SMC6: variants seen among roughly 807,000 people sequenced by gnomAD.
The protein encoded by SMC6 is structural maintenance of chromosomes protein 6.
SMC6 carries 79 observed loss-of-function variants against 142.2 expected under a neutral mutation model. The observed-to-expected ratio is 0.56, with a 90% CI of 0.46 to 0.67. The LOEUF is 0.67. Ranked by LOEUF, SMC6 falls within the 30% of genes least tolerant of loss-of-function variation. The pLI is 0.00. For missense variants in SMC6, 1,072 were observed against 1,284.0 expected, an observed-to-expected ratio of 0.83 and a Z score of 2.52; for synonymous variants, 411 against 412.4, an observed-to-expected ratio of 1.00 and a Z score of 0.04.
intron 24 of SMC6, among the ~76,000 whole-genome samples, chr2:17,683,281 A>T (rs1299451829): frequency 2.0e-5 from 3 of 152,206 alleles, no homozygotes; most frequent in African/African-American, 7.2e-5. Context: ...GATTATGGTA[A>T]ATCAACTGAG....
chr2:17,729,331 A>C (rs930277788), intron 7 of SMC6, among the ~76,000 whole-genome samples: 1 of 152,220 alleles, frequency 6.6e-6, no homozygotes, highest in African/African-American at 2.4e-5. Context: ...GTTATGCATT[A>C]AGTAAACCAT....
intron 23 of SMC6, among the ~76,000 whole-genome samples, chr2:17,684,817 G>A (rs768381083): frequency 4.6e-5 from 7 of 151,958 alleles, no homozygotes; most frequent in Non-Finnish European, 1.0e-4. Flanking sequence ...CAGAGCAAGA[G>A]CCTGTCTTAA....
chr2:17,743,643 T>C (rs1670585664), intron 3 of SMC6, among the ~76,000 whole-genome samples: 1 of 152,132 alleles, frequency 6.6e-6, no homozygotes, highest in Admixed American at 6.5e-5. Context: ...GATATTATTG[T>C]ACATTCTACA....
intron 22 of SMC6, among the ~76,000 whole-genome samples, chr2:17,695,818 G>A (rs1483642987): frequency 6.6e-6 from 1 of 152,152 alleles, no homozygotes; most frequent in East Asian, 1.9e-4. Context: ...AGATATAAAT[G>A]CAAAATTGGA....
chr2:17,725,774 T>C (rs1341627137), intron 8 of SMC6, among the ~76,000 whole-genome samples: 1 of 152,162 alleles, frequency 6.6e-6, no homozygotes, highest in Non-Finnish European at 1.5e-5. Context: ...TCAAGTATTT[T>C]GTTAGTTTTT....
intron 16 of SMC6, among the ~76,000 whole-genome samples, chr2:17,712,850 G>A (rs1421366611): frequency 6.6e-6 from 1 of 152,206 alleles, no homozygotes; most frequent in African/African-American, 2.4e-5. Flanking sequence ...CAAGACTCTT[G>A]TCAATATCCT....
intron 15 of SMC6, 104 bp from the exon 16 acceptor site, chr2:17,715,169 AAAG>A: frequency 9.5e-7 from 1 of 1,057,486 alleles, no homozygotes; most frequent in Non-Finnish European, 1.4e-6. Flanking sequence ...ATTTTTATAT[AAAG>A]CAGTTTAAAT....
chr2:17,709,563 T>C (rs1007636562), intron 16 of SMC6, among the ~76,000 whole-genome samples: 4 of 152,202 alleles, frequency 2.6e-5, no homozygotes, highest in African/African-American at 9.6e-5. Context: ...TATCTTTGCA[T>C]ACATGTTTTA....
rs1300048762 is a variant in SMC6, at chr2:17,665,619, A to C, written c.3162-6T>G. 1 of 1,558,348 alleles carries C rather than the reference A, an allele frequency of 6.4e-7. No individual in the cohort carries two copies. On this transcript the variant is annotated splice_region_variant and splice_polypyrimidine_tract_variant and intron_variant, in intron 27 of 27. Transcript: ENST00000448223. ...GTTTACTGGATGGAAGTGAACTAGA[A>C]GAAGCAAAATCAATTACTCAAATTT...
Position 17,666,363 on chromosome 2 carries a change from G to T in SMC6, c.3161+57C>A, listed in dbSNP as rs1666496060. 4 of 1,245,500 alleles carry T rather than the reference G, an allele frequency of 3.2e-6. No individual in the cohort carries two copies. In the African/African-American group the frequency reaches 4.5e-5, roughly 14 times the overall value. 77.2% of individuals were successfully genotyped at this position (1,245,500 alleles called of 1,614,324 possible). On this transcript the variant is annotated intron_variant, in intron 27 of 27. Coordinates refer to ENST00000448223, the MANE Select transcript of SMC6 (RefSeq NM_001142286.2). ...TATTTTAAAAATTAAAATTGTAAAA[G>T]ATTTCTTTCCCCCTTTTATATACTT... is the stretch of plus-strand genomic sequence containing the variant.
At chr2:17,724,633 A>G (rs1669528109) in intron 9 of SMC6, among the ~76,000 whole-genome samples, 1 of 152,238 alleles carries the variant, frequency 6.6e-6, no homozygotes, top group Non-Finnish European at 1.5e-5. Flanking sequence ...ATCTGAAGAA[A>G]GTATAAGAAC....
chr2:17,708,527 T>C (rs2124967053), intron 17 of SMC6, 112 bp downstream of exon 17: 2 of 447,078 alleles, frequency 4.5e-6, no homozygotes, highest in Non-Finnish European at 7.4e-6. Flanking sequence ...AGTACAATAG[T>C]GAAACACATC....
Position 17,750,316 on chromosome 2 carries a change from A to C in SMC6, c.-6+2662T>G, listed in dbSNP as rs1670961729. ...GAGATTTAAAAGACTGAATTAGTAGAATTGGTGAGTACAAATGGGTGAGTA... is the reference window on the plus strand; with the variant it reads ...GAGATTTAAAAGACTGAATTAGTAGCATTGGTGAGTACAAATGGGTGAGTA... On this transcript the variant is annotated intron_variant, in intron 2 of 27. Coordinates refer to ENST00000448223, the MANE Select transcript of SMC6 (RefSeq NM_001142286.2). Among the ~76,000 whole-genome samples the C allele has an allele frequency of 2.0e-5, 3 of 152,356 alleles. No individual in the cohort carries two copies. The South Asian group carries it at 6.2e-4, about 32-fold the overall frequency.
intron 23 of SMC6, among the ~76,000 whole-genome samples, chr2:17,685,221 T>C (rs1572263211): frequency 6.8e-6 from 1 of 147,382 alleles, no homozygotes; most frequent in South Asian, 2.1e-4. Flanking sequence ...ACCAAAACAA[T>C]GAAACAAAAT....
At chr2:17,746,680 T>C (rs1018045184) in intron 2 of SMC6, among the ~76,000 whole-genome samples, 1 of 152,198 alleles carries the variant, frequency 6.6e-6, no homozygotes, top group Non-Finnish European at 1.5e-5. Context: ...AAATTACACA[T>C]GATTTTGCTA....
intron 5 of SMC6, among the ~76,000 whole-genome samples, chr2:17,737,100 G>A (rs1242716816): frequency 2.0e-5 from 3 of 152,102 alleles, no homozygotes; most frequent in African/African-American, 7.2e-5. Context: ...TTATCAAATA[G>A]TTTTTTCCCA....
intron 9 of SMC6, among the ~76,000 whole-genome samples, chr2:17,722,034 A>T (rs1487791368): frequency 6.6e-6 from 1 of 152,122 alleles, no homozygotes; most frequent in Non-Finnish European, 1.5e-5. Flanking sequence ...ATCCATGCTT[A>T]CCAAATTCAA....
chr2:17,715,563 T>C (rs1298891134), intron 15 of SMC6, among the ~76,000 whole-genome samples: 2 of 152,060 alleles, frequency 1.3e-5, no homozygotes, highest in Non-Finnish European at 2.9e-5. Flanking sequence ...TTTATAAGCA[T>C]TTTCACCTAA....
intron 23 of SMC6, among the ~76,000 whole-genome samples, chr2:17,690,957 T>TAA (rs911221370): frequency 7.6e-5 from 11 of 145,136 alleles, no homozygotes; most frequent in South Asian, 6.6e-4. Flanking sequence ...TTTATACTAC[T>TAA]AAAAAAAAAA....
Sources: allele counts gnomAD v4.1 joint callset (sites outside exome capture counted in the v4.1 genomes callset), GRCh38; gene constraint gnomAD v4.1.1; transcripts MANE v1.5; gene names NCBI Gene and HGNC (gene_info 2026-07-23, HGNC 2026-07-21).